The following ATRNL1 variants were observed in gnomAD, a reference collection of about 807,000 sequenced individuals.
ATRNL1 encodes the protein attractin like 1.
Under a neutral mutation model 182.7 loss-of-function variants are expected in ATRNL1, and 95 were observed. The observed-to-expected ratio is 0.52, with a 90% confidence interval of 0.44 to 0.62. The LOEUF (loss-of-function observed/expected upper bound fraction) is 0.62. Ranked by LOEUF, ATRNL1 falls within the 20% of genes least tolerant of loss-of-function variation. The pLI, the probability that ATRNL1 is intolerant of heterozygous loss-of-function variation, is 0.00. For missense variants in ATRNL1, 1,471 were observed against 1,679.5 expected (o/e 0.88, Z 2.17); for synonymous variants, 576 against 568.3 (o/e 1.01, Z -0.19).
chr10:115,793,903 A>T (rs1159045243), intron 27 of ATRNL1, among the ~76,000 whole-genome samples: 1 of 152,286 alleles, frequency 6.6e-6, no homozygotes, highest in African/African-American at 2.4e-5. Context: ...AAAATCAATG[A>T]ACTATGTGCA....
intron 5 of ATRNL1, among the ~76,000 whole-genome samples, chr10:115,131,756 T>C (rs1554875241): frequency 6.6e-6 from 1 of 152,200 alleles, no homozygotes; most frequent in Non-Finnish European, 1.5e-5. Flanking sequence ...AGTAACAGAT[T>C]GTTGTTACCT....
intron 26 of ATRNL1, among the ~76,000 whole-genome samples, chr10:115,697,896 C>G (rs1382630410): frequency 6.6e-6 from 1 of 152,088 alleles, no homozygotes; most frequent in Non-Finnish European, 1.5e-5. Flanking sequence ...TGAAGGCTGT[C>G]GAGCCAAGCC....
intron 27 of ATRNL1, among the ~76,000 whole-genome samples, chr10:115,802,513 C>T (rs1949821945): frequency 6.6e-6 from 1 of 152,184 alleles, no homozygotes; most frequent in African/African-American, 2.4e-5. Flanking sequence ...ATTATAAATA[C>T]AATTCATTTG....
chr10:115,602,679 C>T (rs1051715964), intron 26 of ATRNL1, among the ~76,000 whole-genome samples: 9 of 151,980 alleles, frequency 5.9e-5, no homozygotes, highest in Middle Eastern at 3.2e-3. Context: ...CTGGCTAACA[C>T]GGTGAAACCC....
intron 27 of ATRNL1, among the ~76,000 whole-genome samples, chr10:115,750,034 A>C (rs893228210): frequency 6.6e-6 from 1 of 151,870 alleles, no homozygotes; most frequent in Non-Finnish European, 1.5e-5. Flanking sequence ...ACTGTCCACC[A>C]TTTTCATTTA....
intron 25 of ATRNL1, among the ~76,000 whole-genome samples, chr10:115,533,182 A>G (rs1851707588): frequency 6.6e-6 from 1 of 151,950 alleles, no homozygotes; most frequent in Admixed American, 6.5e-5. Context: ...GAATGGTACC[A>G]GTTCCTCCTT....
At chr10:115,660,524 A>C (rs1860616857) in intron 26 of ATRNL1, among the ~76,000 whole-genome samples, 1 of 152,062 alleles carries the variant, frequency 6.6e-6, no homozygotes, top group African/African-American at 2.4e-5. Context: ...AGATAAGATG[A>C]AGCAGTGGGG....
At chr10:115,725,162 G>A (rs531290612) in intron 26 of ATRNL1, among the ~76,000 whole-genome samples, 1 of 152,198 alleles carries the variant, frequency 6.6e-6, no homozygotes, top group Admixed American at 6.5e-5. Context: ...TTTACATAAA[G>A]TAATTTAGTA....
At chr10:115,644,414 T>A (rs1592998455) in intron 26 of ATRNL1, among the ~76,000 whole-genome samples, 1 of 152,302 alleles carries the variant, frequency 6.6e-6, no homozygotes, top group East Asian at 1.9e-4. Context: ...ATATTGTATG[T>A]AGGCATTTTA....
chr10:115,104,972 T>TAA lies in ATRNL1; in HGVS notation c.293+10931_293+10932dup, dbSNP rs562866373. 6.1e-4 allele frequency among the ~76,000 whole-genome samples: 93 copies of TAA among 152,294 alleles called. No homozygotes were observed. In the South Asian group the frequency reaches 0.017, roughly 28 times the overall value. ...GTTACTATAGCTCTGTGGTATAATTTAAAGTCAGGTAATATGATGCTTCCA... is the reference window on the plus strand; with the variant it reads ...GTTACTATAGCTCTGTGGTATAATTTAAAAAGTCAGGTAATATGATGCTTCCA... On this transcript the variant is annotated intron_variant, in intron 1 of 28. Transcript: ENST00000355044.
intron 28 of ATRNL1, among the ~76,000 whole-genome samples, chr10:115,920,200 G>C (rs760804512): frequency 1.3e-5 from 2 of 152,082 alleles, no homozygotes; most frequent in Non-Finnish European, 2.9e-5. Flanking sequence ...TGTTAGACTC[G>C]TGGTTTTGTA....
At chr10:115,365,098 C>G in intron 19 of ATRNL1, among the ~76,000 whole-genome samples, 1 of 150,100 alleles carries the variant, frequency 6.7e-6, no homozygotes, top group Non-Finnish European at 1.5e-5. Context: ...AGGAATGGTA[C>G]CAGTTCCTCC....
chr10:115,327,255 C>A (rs1158449062), intron 18 of ATRNL1, among the ~76,000 whole-genome samples: 1 of 150,566 alleles, frequency 6.6e-6, no homozygotes, highest in Admixed American at 6.6e-5. Context: ...AACAAACAAC[C>A]CCATCAAAAA....
At chr10:115,786,617 C>T (rs1022564095) in intron 27 of ATRNL1, among the ~76,000 whole-genome samples, 3 of 152,116 alleles carry the variant, frequency 2.0e-5, no homozygotes, top group East Asian at 1.9e-4. Context: ...TGAACCTCAT[C>T]TTAATTAATT....
intron 28 of ATRNL1, among the ~76,000 whole-genome samples, chr10:115,917,289 A>AC (rs1952890665): frequency 6.6e-6 from 1 of 151,752 alleles, no homozygotes; most frequent in South Asian, 2.1e-4. Flanking sequence ...ACACAGTGAA[A>AC]CCCCGTCTCT....
chr10:115,151,288 G>A (rs1318796073), intron 5 of ATRNL1, among the ~76,000 whole-genome samples: 4 of 151,958 alleles, frequency 2.6e-5, no homozygotes, highest in Non-Finnish European at 4.4e-5. Flanking sequence ...ATCCTTGAGG[G>A]ATCGCCACAC....
chr10:115,236,551 C>G (rs1020199659), intron 9 of ATRNL1, among the ~76,000 whole-genome samples: 4 of 151,950 alleles, frequency 2.6e-5, no homozygotes, highest in African/African-American at 9.7e-5. Flanking sequence ...AATTTTAATC[C>G]CCACATTTTT....
intron 28 of ATRNL1, among the ~76,000 whole-genome samples, chr10:115,916,578 G>A (rs1054987689): frequency 1.3e-5 from 2 of 152,192 alleles, no homozygotes; most frequent in Admixed American, 6.5e-5. Context: ...TTGGCTGCAC[G>A]ATAAATTTCT....
intron 5 of ATRNL1, among the ~76,000 whole-genome samples, chr10:115,145,032 A>C (rs782751625): frequency 5.3e-5 from 8 of 152,202 alleles, no homozygotes; most frequent in Non-Finnish European, 1.2e-4. Flanking sequence ...CCTAGAAGAA[A>C]TTTTGACATA....
Sources: allele counts gnomAD v4.1 joint callset (sites outside exome capture counted in the v4.1 genomes callset), GRCh38; gene constraint gnomAD v4.1.1; transcripts MANE v1.5; gene names NCBI Gene and HGNC (gene_info 2026-07-23, HGNC 2026-07-21).